The following TACR3 variants were observed in gnomAD, a reference collection of about 807,000 sequenced individuals.
TACR3 encodes tachykinin receptor 3, also known as neuromedin-K receptor.
In TACR3, 34 loss-of-function variants were observed where a neutral mutation model predicts 35.0. The ratio of observed to expected loss-of-function variants is 0.97; its 90% CI spans 0.74 to 1.30. The LOEUF (loss-of-function observed/expected upper bound fraction) is 1.30, where lower values mean the gene tolerates loss of function less well. Among genes scored for constraint, TACR3 ranks in the 50% most tolerant of loss-of-function variants. The pLI, the probability that TACR3 is intolerant of heterozygous loss-of-function variation, is 0.00. For synonymous variants in TACR3, 233 were observed against 221.1 expected, an observed-to-expected ratio of 1.05 and a Z score of -0.48; for missense variants, 558 against 591.7, an observed-to-expected ratio of 0.94 and a Z score of 0.59.
intron 1 of TACR3, among the ~76,000 whole-genome samples, chr4:103,691,118 C>T (rs1020465295): frequency 1.3e-5 from 2 of 152,012 alleles, no homozygotes; most frequent in African/African-American, 4.8e-5. Flanking sequence ...ATTTTCTTGC[C>T]CTAGAGAAAT....
intron 1 of TACR3, among the ~76,000 whole-genome samples, chr4:103,692,016 C>G (rs1277790639): frequency 1.3e-5 from 2 of 152,040 alleles, no homozygotes; most frequent in Non-Finnish European, 2.9e-5. Flanking sequence ...CTCTATATTT[C>G]TGTGTGTGTG....
chr4:103,616,680 C>T (rs1259596358), intron 3 of TACR3, among the ~76,000 whole-genome samples: 2 of 152,182 alleles, frequency 1.3e-5, no homozygotes, highest in Non-Finnish European at 2.9e-5. Flanking sequence ...GGCGCAGTGG[C>T]TCACGCCTGT....
intron 1 of TACR3, among the ~76,000 whole-genome samples, chr4:103,678,262 T>TA (rs1286088586): frequency 6.6e-6 from 1 of 152,172 alleles, no homozygotes; most frequent in African/African-American, 2.4e-5. Context: ...CAATTTTTTT[T>TA]ATCAGTTAAA....
At chr4:103,674,536 G>A (rs1726124885) in intron 1 of TACR3, among the ~76,000 whole-genome samples, 1 of 152,068 alleles carries the variant, frequency 6.6e-6, no homozygotes, top group South Asian at 2.1e-4. Flanking sequence ...ATGAGGACAA[G>A]TAAACAAAGC....
chr4:103,605,666 G>A (rs1339415384), intron 3 of TACR3, among the ~76,000 whole-genome samples: 2 of 152,018 alleles, frequency 1.3e-5, no homozygotes, highest in Non-Finnish European at 2.9e-5. Flanking sequence ...CCCACTTTTC[G>A]ATGGGGTTGT....
At chr4:103,643,685 G>C (rs913385474) in intron 3 of TACR3, among the ~76,000 whole-genome samples, 1 of 151,750 alleles carries the variant, frequency 6.6e-6, no homozygotes, top group Admixed American at 6.6e-5. Context: ...ATATGTCAAA[G>C]CTCTATATAA....
chr4:103,647,250 A>T (rs186021940), intron 3 of TACR3, among the ~76,000 whole-genome samples: 1 of 152,094 alleles, frequency 6.6e-6, no homozygotes. Flanking sequence ...AATTTTAAAC[A>T]GATAGTTTCA....
At chr4:103,653,056 G>A (rs1195984207) in intron 3 of TACR3, among the ~76,000 whole-genome samples, 1 of 152,022 alleles carries the variant, frequency 6.6e-6, no homozygotes, top group Non-Finnish European at 1.5e-5. Flanking sequence ...ATAACTGACT[G>A]TAAAAGAAAT....
At chr4:103,602,372 T>C (rs1056708719) in intron 3 of TACR3, among the ~76,000 whole-genome samples, 1 of 152,204 alleles carries the variant, frequency 6.6e-6, no homozygotes, top group African/African-American at 2.4e-5. Flanking sequence ...TCTGAAGCCT[T>C]CTTCTCTCAA....
intron 3 of TACR3, among the ~76,000 whole-genome samples, chr4:103,599,324 A>T (rs2110288885): frequency 6.6e-6 from 1 of 152,284 alleles, no homozygotes; most frequent in South Asian, 2.1e-4. Flanking sequence ...GACTTTGCTG[A>T]AGTTGCTTAT....
At chr4:103,668,677 G>A (rs1241207697) in intron 1 of TACR3, among the ~76,000 whole-genome samples, 9 of 151,644 alleles carry the variant, frequency 5.9e-5, no homozygotes, top group African/African-American at 1.5e-4. Context: ...GTGAAACCCC[G>A]TCTCTACTAA....
chr4:103,690,537 G>A (rs1722380286), intron 1 of TACR3, among the ~76,000 whole-genome samples: 1 of 151,968 alleles, frequency 6.6e-6, no homozygotes, highest in Non-Finnish European at 1.5e-5. Flanking sequence ...AATTCAATAA[G>A]AATAGTTATA....
intron 1 of TACR3, among the ~76,000 whole-genome samples, chr4:103,697,552 G>A (rs1162668641): frequency 6.6e-6 from 1 of 151,962 alleles, no homozygotes; most frequent in Non-Finnish European, 1.5e-5. Context: ...AGCCTCCGGA[G>A]TAACTGGGAC....
intron 3 of TACR3, among the ~76,000 whole-genome samples, chr4:103,596,794 C>T (rs1398694291): frequency 6.6e-6 from 1 of 151,840 alleles, no homozygotes; most frequent in African/African-American, 2.4e-5. Context: ...TGATGTTCCC[C>T]TTCCTGTGTC....
In TACR3 at chr4:103,658,387, C is replaced by A. The variant is rs201823274; in HGVS notation, c.565G>T (p.Asp189Tyr). 6.2e-7 allele frequency: 1 copy of A among 1,613,426 alleles called. No homozygotes were observed. The highest frequency in any genetic ancestry group is 8.5e-7 in the Non-Finnish European group (1 of 1,179,738). Residue 189 changes from aspartate (D) to tyrosine (Y), a missense_variant, in exon 2 of 5, where the codon GAT becomes TAT. Transcript: ENST00000304883. ...IAVDRYMAII[D>Y]PLKPRLSATA... ...GCAGACAGTCTGGGTTTCAAGGGAT[C>A]AATAATAGCCATATACCTATATAAA...
intron 1 of TACR3, among the ~76,000 whole-genome samples, chr4:103,693,737 T>C (rs147548442): frequency 6.6e-6 from 1 of 152,238 alleles, no homozygotes; most frequent in East Asian, 1.9e-4. Context: ...TATAATGCTT[T>C]AGTTATATAG....
chr4:103,718,546 GT>G (rs1723140261), intron 1 of TACR3, among the ~76,000 whole-genome samples: 1 of 152,230 alleles, frequency 6.6e-6, no homozygotes, highest in South Asian at 2.1e-4. Context: ...GAAACTGCTA[GT>G]TTACAGTAGT....
intron 3 of TACR3, among the ~76,000 whole-genome samples, chr4:103,636,890 A>T (rs1360943120): frequency 6.6e-6 from 1 of 152,162 alleles, no homozygotes; most frequent in East Asian, 1.9e-4. Flanking sequence ...TAAACCAGGA[A>T]GAACTTGAAT....
Position 103,586,527 on chromosome 4 carries a change from G to A in TACR3, c.*3155C>T, listed in dbSNP as rs918146672. Reference sequence around the variant, plus strand: ...AAAACTAAATTCAAATGTTGAGCTGGCCAGCATTTATTTTTCACATTTATT... The same window carrying A: ...AAAACTAAATTCAAATGTTGAGCTGACCAGCATTTATTTTTCACATTTATT... On this transcript the variant is annotated 3_prime_UTR_variant, in exon 5 of 5. Coordinates refer to ENST00000304883, the MANE Select transcript of TACR3 (RefSeq NM_001059.3). 2.0e-5 allele frequency: 3 copies of A among 151,952 alleles called. No homozygotes were observed. Among genetic ancestry groups the A allele is most frequent in the African/African-American group, 7.3e-5 (3 of 41,372 alleles). The allele number at this position is 151,952 out of a possible 1,614,324, so 9.4% of individuals were successfully genotyped here.
Sources: gnomAD v4.1 joint callset for allele counts (sites outside exome capture counted in the v4.1 genomes callset) on GRCh38, gnomAD v4.1.1 for gene constraint, MANE v1.5 for transcripts, NCBI Gene and HGNC (gene_info 2026-07-23, HGNC 2026-07-21) for gene names.